PCDHA2: variants seen among roughly 807,000 people sequenced by gnomAD.
PCDHA2 encodes the protein protocadherin alpha-2.
PCDHA2 carries 58 observed loss-of-function variants against 66.0 expected under a neutral mutation model. The ratio of observed to expected loss-of-function variants is 0.88; its 90% CI spans 0.71 to 1.09. The LOEUF is 1.09. Ranked by LOEUF, PCDHA2 falls within the 50% of genes least tolerant of loss-of-function variation. The pLI is 0.00. For synonymous variants in PCDHA2, 634 were observed against 554.0 expected (o/e 1.14, Z -2.03); for missense variants, 1,267 against 1,242.3 (o/e 1.02, Z -0.30).
intron 1 of PCDHA2, chr5:140,875,776 T>G: frequency 6.2e-7 from 1 of 1,613,910 alleles, no homozygotes; most frequent in Non-Finnish European, 8.5e-7. Context: ...GAGCGCGGAG[T>G]GCAGTATCCA....
Position 140,982,457 on chromosome 5 carries a change from G to A in PCDHA2, c.2448-18G>A, listed in dbSNP as rs782510565. 6.2e-7 allele frequency: 1 copy of A among 1,613,966 alleles called. No homozygotes were observed. Among genetic ancestry groups the A allele is most frequent in the African/African-American group, 1.3e-5 (1 of 74,916 alleles). ...AATTTATGATCTAACCGTTATCTGG[G>A]TCTGTGTGTTTATTCAGCTCTGTGC... On this transcript the variant is annotated intron_variant, in intron 2 of 3. Transcript: ENST00000526136.
At chr5:140,924,902 A>AAAAAAT (rs1554202311) in intron 1 of PCDHA2, among the ~76,000 whole-genome samples, 400 of 39,066 alleles carry the variant, frequency 0.01, 1 homozygote, top group Middle Eastern at 0.023. Flanking sequence ...CTCAAAAAAA[A>AAAAAAT]AAATAAAATA....
At position 140,929,044 on chromosome 5, in the gene PCDHA2, T is replaced by C. The variant is rs17844369; in HGVS notation, c.2389-49905T>C. ...GAGCCCAGGCTGTTGCGCTCAGAGC[T>C]GCTGTCGCTCTACAGAGGATCTGAG... On this transcript the variant is annotated intron_variant, in intron 1 of 3. Coordinates refer to ENST00000526136, the MANE Select transcript of PCDHA2 (RefSeq NM_018905.3). 7 of 1,614,100 alleles carry C rather than the reference T, an allele frequency of 4.3e-6. No individual in the cohort carries two copies. The East Asian group carries it at 1.6e-4, about 36-fold the overall frequency.
chr5:140,987,799 A>C (rs2097268880), intron 3 of PCDHA2, among the ~76,000 whole-genome samples: 2 of 152,140 alleles, frequency 1.3e-5, no homozygotes, highest in South Asian at 4.1e-4. Flanking sequence ...GATTTTTTTA[A>C]AGTGCCTGTC....
rs182904804 is a variant in PCDHA2 at position 140,841,857 on chromosome 5, T to A, written c.2388+44505T>A. 6.2e-6 allele frequency: 10 copies of A among 1,613,860 alleles called. 1 individual carries two copies. In the Admixed American group the frequency reaches 1.0e-4, roughly 16 times the overall value. ...AGGCTTAGCTCTCATGATTACTTCA[T>A]GCTAGATGTGAATTCAAAGAACGAT... On this transcript the variant is annotated intron_variant, in intron 1 of 3. Transcript: ENST00000526136.
rs2150126052 is a variant in PCDHA2, at chr5:140,823,464, G to T, written c.2388+26112G>T. 5.6e-6 allele frequency: 9 copies of T among 1,613,420 alleles called. No homozygotes were observed. In the East Asian group the frequency reaches 1.3e-4, roughly 24 times the overall value. On this transcript the variant is annotated intron_variant, in intron 1 of 3. Coordinates refer to ENST00000526136, the MANE Select transcript of PCDHA2 (RefSeq NM_018905.3). ...TGGACGAGAACGACAACGCGCCGGCGCTGCTGGTGCCTCGAGTGGGTGGCA... is the reference window on the plus strand; with the variant it reads ...TGGACGAGAACGACAACGCGCCGGCTCTGCTGGTGCCTCGAGTGGGTGGCA...
intron 1 of PCDHA2, chr5:140,848,571 G>A: frequency 6.3e-7 from 1 of 1,595,628 alleles, no homozygotes; most frequent in South Asian, 1.1e-5. Context: ...AATGTGGGTG[G>A]TGGGGAGCGG....
chr5:141,003,589 A>G (rs781995684), intron 3 of PCDHA2, among the ~76,000 whole-genome samples: 9 of 152,170 alleles, frequency 5.9e-5, no homozygotes, highest in Non-Finnish European at 1.3e-4. Context: ...CTGGGATTTT[A>G]GATGTGAGCC....
intron 1 of PCDHA2, among the ~76,000 whole-genome samples, chr5:140,935,679 T>C (rs2090497566): frequency 6.6e-6 from 1 of 152,190 alleles, no homozygotes; most frequent in South Asian, 2.1e-4. Context: ...GTGAAATATT[T>C]ACATGGCTCC....
chr5:140,797,613 A>C, intron 1 of PCDHA2: 1 of 493,646 alleles, frequency 2.0e-6, no homozygotes, highest in South Asian at 3.5e-5. Context: ...ACACTGAAAA[A>C]CACCTCAGCA....
chr5:140,977,841 A>G lies in PCDHA2; in HGVS notation c.2389-1108A>G, dbSNP rs76111417. On this transcript the variant is annotated intron_variant, in intron 1 of 3. Transcript: ENST00000526136. The stretch of plus-strand genomic sequence containing the variant: ...TTTTGAATGGTCTATTGATATTACT[A>G]TGGCTTTGTTTCTACCAAATATGGT... Among the ~76,000 whole-genome samples the G allele has an allele frequency of 8.3e-3, 1,257 of 152,348 alleles. 23 individuals carry two copies. Among genetic ancestry groups the G allele is most frequent in the African/African-American group, 0.028 (1,184 of 41,574 alleles).
At chr5:140,878,806 G>A (rs1413152690) in intron 1 of PCDHA2, among the ~76,000 whole-genome samples, 1 of 152,144 alleles carries the variant, frequency 6.6e-6, no homozygotes, top group African/African-American at 2.4e-5. Context: ...AAAAACATAT[G>A]GGGGTCTTGC....
intron 1 of PCDHA2, chr5:140,803,240 G>C: frequency 3.1e-6 from 5 of 1,613,800 alleles, no homozygotes; most frequent in Non-Finnish European, 4.2e-6. Context: ...CCTCGTCCCA[G>C]GCGTCCGCTG....
chr5:140,959,347 C>T (rs561977478), intron 1 of PCDHA2, among the ~76,000 whole-genome samples: 4 of 151,938 alleles, frequency 2.6e-5, no homozygotes, highest in Admixed American at 6.6e-5. Context: ...TGCACTCCAG[C>T]GGGACAACTG....
chr5:140,818,188 T>C (rs1766299764), intron 1 of PCDHA2, among the ~76,000 whole-genome samples: 1 of 152,248 alleles, frequency 6.6e-6, no homozygotes, highest in Non-Finnish European at 1.5e-5. Context: ...CTTCTGTGAC[T>C]ATAAGTACAT....
chr5:140,935,894 C>CTTT lies in PCDHA2; in HGVS notation c.2389-43041_2389-43039dup, dbSNP rs55841305. Among the ~76,000 whole-genome samples, 1,154 of 136,734 alleles carry CTTT rather than the reference C, an allele frequency of 8.4e-3. 14 individuals carry two copies. Among genetic ancestry groups the CTTT allele is most frequent in the East Asian group, 0.025 (118 of 4,726 alleles). 89.7% of individuals were successfully genotyped at this position (136,734 alleles called of 152,430 possible). On this transcript the variant is annotated intron_variant, in intron 1 of 3. Coordinates refer to ENST00000526136, the MANE Select transcript of PCDHA2 (RefSeq NM_018905.3). ...ATGAGCTCCAATTTATCAATATTAT[C>CTTT]TTTTTTTTTTTTTTTTGAGACAGAT...
intron 1 of PCDHA2, chr5:140,869,581 G>A: frequency 1.9e-6 from 3 of 1,614,134 alleles, no homozygotes; most frequent in East Asian, 2.2e-5. Flanking sequence ...AGCTTCTGAT[G>A]CTGACATTGA....
intron 1 of PCDHA2, among the ~76,000 whole-genome samples, chr5:140,878,324 A>C (rs1298317950): frequency 4.6e-5 from 7 of 152,210 alleles, no homozygotes; most frequent in Admixed American, 1.3e-4. Context: ...TTTTCACATT[A>C]TATTCCAGGT....
chr5:140,817,037 G>A (rs140031382), intron 1 of PCDHA2: 1 of 152,254 alleles, frequency 6.6e-6, no homozygotes, highest in African/African-American at 2.4e-5. Context: ...AGAGTGCTGA[G>A]CTGAGTTTCT....
Sources: gnomAD v4.1 joint callset for allele counts (sites outside exome capture counted in the v4.1 genomes callset) on GRCh38, gnomAD v4.1.1 for gene constraint, MANE v1.5 for transcripts, NCBI Gene and HGNC (gene_info 2026-07-23, HGNC 2026-07-21) for gene names.